The following SIL1 variants were observed in gnomAD, a reference collection of about 807,000 sequenced individuals.
The protein encoded by SIL1 is SIL1 nucleotide exchange factor, also known as nucleotide exchange factor SIL1.
A neutral mutation model predicts 49.1 loss-of-function variants in SIL1; 40 were observed. The observed-to-expected ratio is 0.81, with a 90% CI of 0.63 to 1.06. The LOEUF is 1.06. Among genes scored for constraint, SIL1 ranks in the 50% least tolerant of loss-of-function variants. The pLI is 0.00. For synonymous variants in SIL1, 253 were observed against 250.8 expected (o/e 1.01, Z -0.08); for missense variants, 500 against 572.6 (o/e 0.87, Z 1.29).
intron 1 of SIL1, among the ~76,000 whole-genome samples, chr5:139,135,257 G>A (rs1449511585): frequency 6.6e-6 from 1 of 152,080 alleles, no homozygotes; most frequent in Admixed American, 6.6e-5. Flanking sequence ...TTGTACAATG[G>A]GGATAATATC....
intron 3 of SIL1, among the ~76,000 whole-genome samples, chr5:139,066,466 C>A (rs537701145): frequency 6.6e-6 from 1 of 152,068 alleles, no homozygotes; most frequent in South Asian, 2.1e-4. Flanking sequence ...AAGTGACAGT[C>A]CATTTTTTAA....
chr5:139,181,302 A>T (rs142709564), intron 1 of SIL1, among the ~76,000 whole-genome samples: 584 of 152,240 alleles, frequency 3.8e-3, no homozygotes, highest in Non-Finnish European at 6.2e-3. Flanking sequence ...CAGTGCCAGA[A>T]ACAGAGGCTC....
At chr5:139,125,538 AG>A (rs1182119172) in intron 2 of SIL1, among the ~76,000 whole-genome samples, 1 of 152,220 alleles carries the variant, frequency 6.6e-6, no homozygotes, top group African/African-American at 2.4e-5. Flanking sequence ...ATTAAACCAT[AG>A]AAGCAGCATC....
intron 7 of SIL1, among the ~76,000 whole-genome samples, chr5:138,959,812 G>A (rs1766980093): frequency 6.6e-6 from 1 of 152,196 alleles, no homozygotes; most frequent in African/African-American, 2.4e-5. Flanking sequence ...CTCTGCCCCA[G>A]GGCCACTCTG....
intron 1 of SIL1, among the ~76,000 whole-genome samples, chr5:139,184,181 C>T (rs544168316): frequency 6.6e-6 from 1 of 152,318 alleles, no homozygotes; most frequent in South Asian, 2.1e-4. Context: ...CACTCCATTC[C>T]TGCCCTAACT....
chr5:139,182,719 A>G (rs1752012970), intron 1 of SIL1, among the ~76,000 whole-genome samples: 1 of 152,202 alleles, frequency 6.6e-6, no homozygotes, highest in Non-Finnish European at 1.5e-5. Flanking sequence ...CAAGTGAGAC[A>G]AAACATTTAT....
intron 1 of SIL1, among the ~76,000 whole-genome samples, chr5:139,146,871 GATTTT>G (rs574551620): frequency 1.3e-5 from 2 of 152,134 alleles, no homozygotes; most frequent in African/African-American, 4.8e-5. Context: ...TTTTCTGTTG[GATTTT>G]ATTTGCCATA....
At chr5:139,132,164 A>G (rs1178067540) in intron 1 of SIL1, among the ~76,000 whole-genome samples, 1 of 152,130 alleles carries the variant, frequency 6.6e-6, no homozygotes, top group African/African-American at 2.4e-5. Context: ...GAGCTAAATG[A>G]GAAGGAAATA....
At position 139,126,293 on chromosome 5, in the gene SIL1, G is replaced by A. The variant is rs75014679; in HGVS notation, c.105+1446C>T. 1.4e-3 allele frequency among the ~76,000 whole-genome samples: 213 copies of A among 152,340 alleles called. 2 individuals carry two copies. The highest frequency in any genetic ancestry group is 4.3e-3 in the African/African-American group (179 of 41,574). On this transcript the variant is annotated intron_variant, in intron 2 of 9. Coordinates refer to ENST00000394817, the MANE Select transcript of SIL1 (RefSeq NM_022464.5). ...CATTTTTCTGAGACTAGACTCAATA[G>A]AGCTAATATAAATGGGCCAGAATAA...
intron 1 of SIL1, among the ~76,000 whole-genome samples, chr5:139,144,614 T>C (rs1308822520): frequency 1.3e-5 from 2 of 152,176 alleles, no homozygotes; most frequent in Non-Finnish European, 2.9e-5. Flanking sequence ...CTCACACCTG[T>C]AATCCCAGCA....
At chr5:138,951,955 C>T in intron 7 of SIL1, 71 bp from the exon 8 acceptor site, 1 of 1,292,710 alleles carries the variant, frequency 7.7e-7, no homozygotes, top group Non-Finnish European at 1.1e-6. Flanking sequence ...GGAACTGAGC[C>T]CATGTCAGCC....
chr5:139,007,384 T>C (rs762868124), intron 7 of SIL1, among the ~76,000 whole-genome samples: 38,217 of 119,436 alleles, frequency 0.32, 6,012 homozygotes, highest in African/African-American at 0.43. Flanking sequence ...GTTTTCTAGA[T>C]ATACAATCAT....
intron 7 of SIL1, among the ~76,000 whole-genome samples, chr5:138,963,897 A>G (rs1365530635): frequency 6.6e-6 from 1 of 152,194 alleles, no homozygotes; most frequent in Admixed American, 6.5e-5. Context: ...ACATTGTAAC[A>G]GAGAAGAAAA....
intron 1 of SIL1, among the ~76,000 whole-genome samples, chr5:139,193,181 G>GA (rs1243713874): frequency 6.6e-6 from 1 of 151,956 alleles, no homozygotes; most frequent in African/African-American, 2.4e-5. Context: ...ATTCTTGGGG[G>GA]AAAAAAAGTT....
intron 1 of SIL1, among the ~76,000 whole-genome samples, chr5:139,144,326 A>G (rs976165068): frequency 1.3e-5 from 2 of 152,120 alleles, no homozygotes; most frequent in African/African-American, 2.4e-5. Context: ...CCCATCTCTT[A>G]AAAAAACAAA....
chr5:139,058,964 A>ATGTGTGTGTGTGTGTG (rs113502024), intron 3 of SIL1, among the ~76,000 whole-genome samples: 30 of 86,826 alleles, frequency 3.5e-4, no homozygotes, highest in East Asian at 2.3e-3. Context: ...GGAGCTAGAA[A>ATGTGTGTGTGTGTGTG]TGTGTATGTG....
At chr5:139,011,981 A>G (rs1768285110) in intron 7 of SIL1, among the ~76,000 whole-genome samples, 1 of 152,180 alleles carries the variant, frequency 6.6e-6, no homozygotes, top group Non-Finnish European at 1.5e-5. Context: ...TATTTTATCT[A>G]TACCCCGACT....
At chr5:139,094,985 TG>T (rs557514743) in intron 3 of SIL1, among the ~76,000 whole-genome samples, 106 of 152,300 alleles carry the variant, frequency 7.0e-4, no homozygotes, top group Non-Finnish European at 1.2e-3. Flanking sequence ...CTGGGGTCGT[TG>T]GTTTTGAGGA....
intron 5 of SIL1, among the ~76,000 whole-genome samples, chr5:139,038,871 G>A (rs1045513509): frequency 6.6e-6 from 1 of 152,182 alleles, no homozygotes; most frequent in Non-Finnish European, 1.5e-5. Context: ...CTCCAAGTTG[G>A]GGGTGGAAGT....
Sources: allele counts gnomAD v4.1 joint callset (sites outside exome capture counted in the v4.1 genomes callset), GRCh38; gene constraint gnomAD v4.1.1; transcripts MANE v1.5; gene names NCBI Gene and HGNC (gene_info 2026-07-23, HGNC 2026-07-21).